The following ABTB3 variants were observed in gnomAD, a reference collection of about 807,000 sequenced individuals.
The protein encoded by ABTB3 is ankyrin repeat and BTB domain containing 3, also known as ankyrin repeat- and BTB/POZ domain-containing protein 3.
the ABTB3 span, among the ~76,000 whole-genome samples, chr12:107,577,236 T>G: frequency 1.3e-5 from 2 of 152,330 alleles, no homozygotes; most frequent in Admixed American, 1.3e-4. Flanking sequence ...AGAAAAGGTT[T>G]GCTGAGCCCT....
At chr12:107,573,422 G>A in the ABTB3 span, among the ~76,000 whole-genome samples, 1 of 151,970 alleles carries the variant, frequency 6.6e-6, no homozygotes, top group Admixed American at 6.6e-5. Context: ...GGATGGATGT[G>A]TGGGTGGATG....
At chr12:107,595,397 A>G in the ABTB3 span, among the ~76,000 whole-genome samples, 1 of 152,238 alleles carries the variant, frequency 6.6e-6, no homozygotes, top group Non-Finnish European at 1.5e-5. Flanking sequence ...CAGTAGGGAA[A>G]TGTGTATTCA....
At chr12:107,606,153 C>A in the ABTB3 span, among the ~76,000 whole-genome samples, 1 of 152,162 alleles carries the variant, frequency 6.6e-6, no homozygotes, top group East Asian at 1.9e-4. Context: ...CAAAACCTGG[C>A]TCACCACTTA....
the ABTB3 span, among the ~76,000 whole-genome samples, chr12:107,625,094 A>G: frequency 6.6e-5 from 10 of 152,228 alleles, no homozygotes; most frequent in Admixed American, 2.0e-4. Flanking sequence ...GATGTTGAAT[A>G]TATTTTCAAG....
chr12:107,594,368 C>T, the ABTB3 span, among the ~76,000 whole-genome samples: 6 of 152,146 alleles, frequency 3.9e-5, no homozygotes, highest in Admixed American at 2.6e-4. Flanking sequence ...GGGAGGAGGA[C>T]TTAGAATCAC....
the ABTB3 span, among the ~76,000 whole-genome samples, chr12:107,352,942 G>A: frequency 6.6e-6 from 1 of 152,214 alleles, no homozygotes; most frequent in African/African-American, 2.4e-5. Context: ...GAAATCATAA[G>A]TGGAGGAAGA....
chr12:107,365,423 C>CA, the ABTB3 span, among the ~76,000 whole-genome samples: 27 of 151,708 alleles, frequency 1.8e-4, 1 homozygote, highest in Admixed American at 1.8e-3. Flanking sequence ...AGTAGACACA[C>CA]AAAAAAATAG....
At chr12:107,395,108 C>T in the ABTB3 span, among the ~76,000 whole-genome samples, 1 of 152,292 alleles carries the variant, frequency 6.6e-6, no homozygotes, top group African/African-American at 2.4e-5. Flanking sequence ...CTCCTTTTGT[C>T]CTCACCTGAT....
At chr12:107,635,413 T>A in the ABTB3 span, 1 of 1,598,570 alleles carries the variant, frequency 6.3e-7, no homozygotes, top group Non-Finnish European at 8.6e-7. Flanking sequence ...CCCAGGCCTG[T>A]GTTGGCTGCT....
the ABTB3 span, among the ~76,000 whole-genome samples, chr12:107,637,143 A>G: frequency 6.6e-6 from 1 of 152,238 alleles, no homozygotes; most frequent in South Asian, 2.1e-4. Context: ...AGTGCTCTTC[A>G]TAAATTCACT....
the ABTB3 span, among the ~76,000 whole-genome samples, chr12:107,463,100 G>A: frequency 6.6e-6 from 1 of 151,676 alleles, no homozygotes. Context: ...CAGTGATGAT[G>A]ATGGTGATAG....
the ABTB3 span, among the ~76,000 whole-genome samples, chr12:107,399,189 C>T: frequency 6.6e-6 from 1 of 152,170 alleles, no homozygotes; most frequent in South Asian, 2.1e-4. Flanking sequence ...AACTGCTTTT[C>T]TTTAAACAGA....
At chr12:107,524,909 C>G in the ABTB3 span, among the ~76,000 whole-genome samples, 2 of 152,326 alleles carry the variant, frequency 1.3e-5, no homozygotes, top group South Asian at 4.1e-4. Context: ...GGATGCTCTC[C>G]TGTAAACTAA....
At chr12:107,523,550 T>C in the ABTB3 span, among the ~76,000 whole-genome samples, 1 of 152,220 alleles carries the variant, frequency 6.6e-6, no homozygotes, top group Non-Finnish European at 1.5e-5. Flanking sequence ...AATTGTGACA[T>C]AGTAGTTCTC....
the ABTB3 span, among the ~76,000 whole-genome samples, chr12:107,414,896 T>C: frequency 6.6e-6 from 1 of 152,022 alleles, no homozygotes; most frequent in Non-Finnish European, 1.5e-5. Flanking sequence ...GTATTTTTAG[T>C]AGACACAGGA....
chr12:107,575,776 T>G, the ABTB3 span, among the ~76,000 whole-genome samples: 1 of 152,300 alleles, frequency 6.6e-6, no homozygotes, highest in South Asian at 2.1e-4. Context: ...ACCTGGAGGC[T>G]CCTGAACTTA....
chr12:107,556,537 G>A, the ABTB3 span, among the ~76,000 whole-genome samples: 1 of 152,208 alleles, frequency 6.6e-6, no homozygotes, highest in African/African-American at 2.4e-5. Flanking sequence ...TGCATCCCAT[G>A]CTGGGATGAG....
the ABTB3 span, among the ~76,000 whole-genome samples, chr12:107,467,971 C>T: frequency 6.6e-6 from 1 of 152,108 alleles, no homozygotes; most frequent in Non-Finnish European, 1.5e-5. Context: ...CCCCCCTCTC[C>T]CCATGTGCAG....
At chr12:107,582,844 C>T in the ABTB3 span, among the ~76,000 whole-genome samples, 1 of 152,198 alleles carries the variant, frequency 6.6e-6, no homozygotes, top group African/African-American at 2.4e-5. Context: ...CTGCTCATTG[C>T]CCCCATCGCC....
Sources: gnomAD v4.1 joint callset for allele counts (sites outside exome capture counted in the v4.1 genomes callset) on GRCh38, gnomAD v4.1.1 for gene constraint, MANE v1.5 for transcripts, NCBI Gene and HGNC (gene_info 2026-07-23, HGNC 2026-07-21) for gene names.